The following LRRTM3 variants were observed in gnomAD, a reference collection of about 807,000 sequenced individuals.
LRRTM3 encodes the protein leucine-rich repeat transmembrane neuronal protein 3.
A neutral mutation model predicts 44.7 loss-of-function variants in LRRTM3; 24 were observed. The ratio of observed to expected loss-of-function variants is 0.54; its 90% CI spans 0.39 to 0.76. The LOEUF (loss-of-function observed/expected upper bound fraction) is 0.76, where lower values mean the gene tolerates loss of function less well. LRRTM3 is among the 30% of genes least tolerant of loss of function. The probability of loss-of-function intolerance (pLI) is 0.00; values close to 1 mark genes in which losing one functional copy is unlikely to be tolerated. For missense variants in LRRTM3, 587 were observed against 702.2 expected, an observed-to-expected ratio of 0.84 and a Z score of 1.85; for synonymous variants, 277 against 278.7, an observed-to-expected ratio of 0.99 and a Z score of 0.06.
rs138897748 is a variant in LRRTM3, at chr10:66,946,242, TG to T, written c.1536+17792del. Among the ~76,000 whole-genome samples, 719 of 152,204 alleles carry T rather than the reference TG, an allele frequency of 4.7e-3. 16 individuals are homozygous for T. In the East Asian group the frequency reaches 0.058, roughly 12 times the overall value. On this transcript the variant is annotated intron_variant, in intron 2 of 2. Coordinates refer to ENST00000361320, the MANE Select transcript of LRRTM3 (RefSeq NM_178011.5). The stretch of plus-strand genomic sequence containing the variant: ...GTGAGAAAATAGAGAGGGAGAGAAT[TG>T]GAATCCAATGATAATTATCTTATTC...
At chr10:66,987,769 T>C (rs966907948) in intron 2 of LRRTM3, among the ~76,000 whole-genome samples, 2 of 152,250 alleles carry the variant, frequency 1.3e-5, no homozygotes, top group African/African-American at 4.8e-5. Context: ...TCTGTGAATT[T>C]AGCTCATGAT....
chr10:67,090,688 T>C (rs938953349), intron 2 of LRRTM3, among the ~76,000 whole-genome samples: 12 of 152,070 alleles, frequency 7.9e-5, no homozygotes, highest in African/African-American at 2.9e-4. Flanking sequence ...ACATAGTAAA[T>C]GCTTAATGAA....
chr10:67,068,008 A>G (rs967890597), intron 2 of LRRTM3, among the ~76,000 whole-genome samples: 10 of 152,226 alleles, frequency 6.6e-5, no homozygotes, highest in Admixed American at 4.6e-4. Flanking sequence ...TAGGTAATCA[A>G]TCACCAAGTG....
At chr10:66,933,953 G>A (rs1847549980) in intron 2 of LRRTM3, among the ~76,000 whole-genome samples, 1 of 152,058 alleles carries the variant, frequency 6.6e-6, no homozygotes, top group Non-Finnish European at 1.5e-5. Flanking sequence ...AGAGGATGAT[G>A]GTTTTTCAGG....
intron 2 of LRRTM3, among the ~76,000 whole-genome samples, chr10:66,982,207 C>A (rs1589542888): frequency 6.6e-6 from 1 of 152,266 alleles, no homozygotes; most frequent in East Asian, 1.9e-4. Context: ...AGAGAATGAG[C>A]CCCTTTAAGG....
chr10:67,009,671 T>C (rs181296908), intron 2 of LRRTM3, among the ~76,000 whole-genome samples: 49 of 152,278 alleles, frequency 3.2e-4, no homozygotes, highest in African/African-American at 1.1e-3. Flanking sequence ...TTATTATCTC[T>C]TTAGTCTCCT....
intron 2 of LRRTM3, among the ~76,000 whole-genome samples, chr10:66,940,804 G>C (rs1168708452): frequency 6.6e-6 from 1 of 152,020 alleles, no homozygotes; most frequent in Non-Finnish European, 1.5e-5. Flanking sequence ...AAACTTATCT[G>C]ATCTTCAGTT....
chr10:67,050,869 G>T (rs2133183712), intron 2 of LRRTM3, among the ~76,000 whole-genome samples: 1 of 152,200 alleles, frequency 6.6e-6, no homozygotes, highest in African/African-American at 2.4e-5. Context: ...AGTTTTGTTT[G>T]GATTACTTAC....
intron 2 of LRRTM3, among the ~76,000 whole-genome samples, chr10:67,080,721 A>G (rs1857004573): frequency 6.6e-6 from 1 of 151,966 alleles, no homozygotes; most frequent in Admixed American, 6.6e-5. Context: ...CATCCTGGCT[A>G]ACACAGTGAA....
intron 2 of LRRTM3, among the ~76,000 whole-genome samples, chr10:66,967,557 C>A (rs1849501313): frequency 6.6e-6 from 1 of 152,002 alleles, no homozygotes; most frequent in South Asian, 2.1e-4. Flanking sequence ...ACCCTCTATA[C>A]CTTTAAGCAG....
At chr10:66,952,222 G>A (rs1848572491) in intron 2 of LRRTM3, among the ~76,000 whole-genome samples, 1 of 152,154 alleles carries the variant, frequency 6.6e-6, no homozygotes, top group Admixed American at 6.6e-5. Context: ...GATCCAAAAT[G>A]AAAAGAATAC....
At chr10:66,979,938 T>A (rs1168807523) in intron 2 of LRRTM3, among the ~76,000 whole-genome samples, 2 of 152,202 alleles carry the variant, frequency 1.3e-5, no homozygotes, top group African/African-American at 4.8e-5. Context: ...TTTCCTCAAG[T>A]ACTGTTGGAA....
At chr10:67,005,913 T>C (rs370978908) in intron 2 of LRRTM3, among the ~76,000 whole-genome samples, 20 of 152,030 alleles carry the variant, frequency 1.3e-4, no homozygotes, top group South Asian at 1.0e-3. Flanking sequence ...CTCAAACTCC[T>C]GTTCTCAGGT....
At chr10:67,045,744 GT>G (rs1205357531) in intron 2 of LRRTM3, among the ~76,000 whole-genome samples, 1 of 151,872 alleles carries the variant, frequency 6.6e-6, no homozygotes, top group East Asian at 1.9e-4. Flanking sequence ...GCCCCCCTCT[GT>G]TTTTTTTAAA....
intron 2 of LRRTM3, among the ~76,000 whole-genome samples, chr10:66,974,302 A>C (rs1231718643): frequency 6.6e-6 from 1 of 152,188 alleles, no homozygotes; most frequent in Non-Finnish European, 1.5e-5. Context: ...AGAAGAAAGG[A>C]GTAATCTAAA....
At chr10:67,027,133 TAG>T (rs1564840576) in intron 2 of LRRTM3, among the ~76,000 whole-genome samples, 1 of 152,068 alleles carries the variant, frequency 6.6e-6, no homozygotes. Context: ...ATTCTGCTGA[TAG>T]AGTGAGTGCC....
intron 2 of LRRTM3, chr10:67,012,155 ACAGAAGGGGAAAAC>A: frequency 6.6e-6 from 1 of 152,298 alleles, no homozygotes; most frequent in South Asian, 2.1e-4. Flanking sequence ...CACTGTACTG[ACAGAAGGGGAAAAC>A]CCTACAGTGT....
At chr10:67,039,452 CAT>C (rs1854265075) in intron 2 of LRRTM3, among the ~76,000 whole-genome samples, 1 of 152,104 alleles carries the variant, frequency 6.6e-6, no homozygotes, top group Non-Finnish European at 1.5e-5. Context: ...TCAAATGAAG[CAT>C]ATGTTGTCAA....
intron 2 of LRRTM3, among the ~76,000 whole-genome samples, chr10:66,986,217 G>A (rs1416632224): frequency 6.6e-6 from 1 of 152,122 alleles, no homozygotes; most frequent in Non-Finnish European, 1.5e-5. Flanking sequence ...TAGCAAGACT[G>A]CTGGGCATGG....
Sources: allele counts gnomAD v4.1 joint callset (sites outside exome capture counted in the v4.1 genomes callset), GRCh38; gene constraint gnomAD v4.1.1; transcripts MANE v1.5; gene names NCBI Gene and HGNC (gene_info 2026-07-23, HGNC 2026-07-21).